Variants in GREB1L observed in about 807,000 individuals in gnomAD.
The protein encoded by GREB1L is GREB1 like retinoic acid receptor coactivator, also known as GREB1-like protein.
Under a neutral mutation model 200.8 loss-of-function variants are expected in GREB1L, and 17 were observed. The observed-to-expected ratio is 0.08, with a 90% confidence interval of 0.06 to 0.13. GREB1L has a LOEUF of 0.13. Ranked by LOEUF, GREB1L falls within the 10% of genes least tolerant of loss-of-function variation. The pLI is 1.00. For missense variants in GREB1L, 1,657 were observed against 2,367.7 expected (o/e 0.70, Z 6.23); for synonymous variants, 789 against 893.0 (o/e 0.88, Z 2.08).
chr18:21,403,691 C>T (rs1318352267), intron 6 of GREB1L, among the ~76,000 whole-genome samples, 181 bp from the exon 7 acceptor site: 1 of 152,172 alleles, frequency 6.6e-6, no homozygotes, highest in African/African-American at 2.4e-5. Context: ...CAAACAAAAG[C>T]ATTGTGTTCA....
intron 7 of GREB1L, among the ~76,000 whole-genome samples, chr18:21,410,641 A>C (rs1321557636): frequency 6.6e-6 from 1 of 151,286 alleles, no homozygotes; most frequent in Non-Finnish European, 1.5e-5. Context: ...GGAGACAGAA[A>C]AAAAAAAAGA....
At chr18:21,318,574 A>T (rs1030494356) in intron 1 of GREB1L, among the ~76,000 whole-genome samples, 6 of 152,178 alleles carry the variant, frequency 3.9e-5, no homozygotes, top group African/African-American at 1.4e-4. Context: ...AATTTTGAAA[A>T]TTTTAAATAA....
chr18:21,453,109 A>G (rs1345562602), intron 14 of GREB1L, among the ~76,000 whole-genome samples: 2 of 152,374 alleles, frequency 1.3e-5, no homozygotes, highest in Middle Eastern at 3.4e-3. Flanking sequence ...GAATTTAAAC[A>G]TTCTGAGAGG....
At chr18:21,280,478 C>T (rs2038250503) in intron 1 of GREB1L, among the ~76,000 whole-genome samples, 1 of 151,300 alleles carries the variant, frequency 6.6e-6, no homozygotes, top group Non-Finnish European at 1.5e-5. Flanking sequence ...TCTTGGTTGC[C>T]TCTAGTTTGG....
intron 7 of GREB1L, among the ~76,000 whole-genome samples, chr18:21,416,566 C>A (rs891728395): frequency 5.9e-5 from 9 of 151,912 alleles, no homozygotes; most frequent in Non-Finnish European, 1.3e-4. Context: ...GTGGCGGGCA[C>A]CTGTAGTGTC....
intron 1 of GREB1L, among the ~76,000 whole-genome samples, chr18:21,316,188 G>C (rs1266548931): frequency 2.0e-5 from 3 of 152,072 alleles, no homozygotes; most frequent in Admixed American, 1.3e-4. Flanking sequence ...TAAAACACAG[G>C]GTCCAGGGCA....
intron 1 of GREB1L, among the ~76,000 whole-genome samples, chr18:21,357,947 CT>C (rs1158817004): frequency 6.6e-6 from 1 of 151,964 alleles, no homozygotes; most frequent in Non-Finnish European, 1.5e-5. Flanking sequence ...TATTTGGGGT[CT>C]TTTGTTGTTC....
chr18:21,473,293 G>A (rs1032918340), intron 16 of GREB1L, 82 bp downstream of exon 16: 1 of 1,106,442 alleles, frequency 9.0e-7, no homozygotes, highest in East Asian at 3.0e-5. Flanking sequence ...AAGATGGCCA[G>A]GCGCGGTGGC....
intron 23 of GREB1L, among the ~76,000 whole-genome samples, chr18:21,502,166 G>A (rs958440977): frequency 6.6e-6 from 1 of 151,838 alleles, no homozygotes; most frequent in African/African-American, 2.4e-5. Context: ...GCACAGAATT[G>A]TTTGAACCCG....
intron 1 of GREB1L, among the ~76,000 whole-genome samples, chr18:21,267,571 T>G (rs2037992201): frequency 6.6e-6 from 1 of 152,112 alleles, no homozygotes; most frequent in Admixed American, 6.6e-5. Context: ...ATGTCTTCAT[T>G]GTTTTTGCTT....
intron 4 of GREB1L, among the ~76,000 whole-genome samples, chr18:21,387,857 C>G (rs1210967038): frequency 2.0e-5 from 3 of 152,126 alleles, no homozygotes; most frequent in Admixed American, 1.3e-4. Context: ...TTTTTACAGA[C>G]ATACACAGCT....
At chr18:21,369,971 AAAG>A (rs1353340549) in intron 2 of GREB1L, among the ~76,000 whole-genome samples, 4 of 151,876 alleles carry the variant, frequency 2.6e-5, no homozygotes, top group Admixed American at 2.0e-4. Flanking sequence ...AAAGAAAAGA[AAAG>A]AAAAAAGAAA....
At chr18:21,430,994 TTTTATTTATTTATTTA>T (rs59970232) in intron 7 of GREB1L, among the ~76,000 whole-genome samples, 145 of 141,060 alleles carry the variant, frequency 1.0e-3, no homozygotes, top group Middle Eastern at 3.5e-3. Flanking sequence ...TTTTCATTTA[TTTTATTTATTTATTTA>T]TTTATTTATT....
At chr18:21,389,297 G>T (rs189234692) in intron 4 of GREB1L, among the ~76,000 whole-genome samples, 1 of 144,038 alleles carries the variant, frequency 6.9e-6, no homozygotes, top group Admixed American at 7.1e-5. Flanking sequence ...GTTGGTTCTC[G>T]TGCCACTTTT....
At chr18:21,380,007 A>G (rs1282769092) in intron 2 of GREB1L, among the ~76,000 whole-genome samples, 1 of 152,224 alleles carries the variant, frequency 6.6e-6, no homozygotes, top group Non-Finnish European at 1.5e-5. Context: ...CATTTTGAGT[A>G]TAAACTTTTT....
intron 1 of GREB1L, among the ~76,000 whole-genome samples, chr18:21,302,707 G>A (rs1402817303): frequency 6.6e-6 from 1 of 151,288 alleles, no homozygotes; most frequent in Non-Finnish European, 1.5e-5. Context: ...CCAAACAATG[G>A]CCTTCCATAA....
At chr18:21,361,742 T>C (rs2039583544) in intron 1 of GREB1L, among the ~76,000 whole-genome samples, 3 of 152,196 alleles carry the variant, frequency 2.0e-5, no homozygotes, top group African/African-American at 7.2e-5. Flanking sequence ...AAGTTTTGTT[T>C]TTGATCAGTC....
intron 7 of GREB1L, among the ~76,000 whole-genome samples, chr18:21,404,339 A>G (rs1274364947): frequency 6.6e-6 from 1 of 152,184 alleles, no homozygotes; most frequent in Non-Finnish European, 1.5e-5. Context: ...TTAAGACTGG[A>G]GTTCCAGGGT....
intron 1 of GREB1L, among the ~76,000 whole-genome samples, chr18:21,280,080 G>A (rs987606129): frequency 6.6e-6 from 1 of 152,176 alleles, no homozygotes; most frequent in African/African-American, 2.4e-5. Flanking sequence ...CACTCTTTGT[G>A]TTGTACATTG....
Sources: allele counts gnomAD v4.1 joint callset (sites outside exome capture counted in the v4.1 genomes callset), GRCh38; gene constraint gnomAD v4.1.1; transcripts MANE v1.5; gene names NCBI Gene and HGNC (gene_info 2026-07-23, HGNC 2026-07-21).